CACNA1B: variants seen among roughly 807,000 people sequenced by gnomAD.
CACNA1B encodes the protein calcium voltage-gated channel subunit alpha1 B.
CACNA1B carries 70 observed loss-of-function variants against 247.2 expected under a neutral mutation model. The observed-to-expected ratio is 0.28, with a 90% CI of 0.23 to 0.35. CACNA1B has a LOEUF of 0.35. Among genes scored for constraint, CACNA1B ranks in the 10% least tolerant of loss-of-function variants. CACNA1B has a pLI of 1.00. For synonymous variants in CACNA1B, 1,231 were observed against 1,294.4 expected, an observed-to-expected ratio of 0.95 and a Z score of 1.05; for missense variants, 2,367 against 3,197.4, an observed-to-expected ratio of 0.74 and a Z score of 6.26.
intron 21 of CACNA1B, among the ~76,000 whole-genome samples, chr9:138,045,901 G>A (rs1959180238): frequency 6.6e-6 from 1 of 152,208 alleles, no homozygotes; most frequent in African/African-American, 2.4e-5. Context: ...GGGGTTCGCA[G>A]GTGTGGGTGA....
intron 17 of CACNA1B, 91 bp from the exon 18 acceptor site, chr9:138,013,038 C>T: frequency 3.2e-6 from 3 of 924,568 alleles, no homozygotes; most frequent in Non-Finnish European, 5.0e-6. Flanking sequence ...TTTTTGAGGC[C>T]CCTGGAGGAA....
chr9:138,065,251 TCA>T (rs1447505917), intron 31 of CACNA1B, among the ~76,000 whole-genome samples: 1 of 152,182 alleles, frequency 6.6e-6, no homozygotes, highest in Non-Finnish European at 1.5e-5. Flanking sequence ...ACCCGTTATA[TCA>T]CACAGCCCTT....
At chr9:138,067,885 T>C (rs2133525209) in intron 31 of CACNA1B, among the ~76,000 whole-genome samples, 1 of 152,352 alleles carries the variant, frequency 6.6e-6, no homozygotes, top group East Asian at 1.9e-4. Context: ...CAAGTGTTCC[T>C]GGCACCAGCG....
At chr9:137,992,829 A>G (rs1345026348) in intron 15 of CACNA1B, among the ~76,000 whole-genome samples, 2 of 151,992 alleles carry the variant, frequency 1.3e-5, no homozygotes, top group Non-Finnish European at 1.5e-5. Flanking sequence ...TATTATATCA[A>G]GTACTCTCTC....
intron 6 of CACNA1B, among the ~76,000 whole-genome samples, chr9:137,930,982 A>T (rs960428154): frequency 6.6e-6 from 1 of 152,050 alleles, no homozygotes; most frequent in Non-Finnish European, 1.5e-5. Flanking sequence ...TCTCACTGTC[A>T]CCCAGGATGG....
At chr9:137,978,261 TC>T (rs1340926577) in intron 12 of CACNA1B, among the ~76,000 whole-genome samples, 1 of 59,072 alleles carries the variant, frequency 1.7e-5, no homozygotes, top group Non-Finnish European at 3.4e-5. Context: ...AGCACTACCC[TC>T]CCCCCCAGGA....
intron 15 of CACNA1B, among the ~76,000 whole-genome samples, chr9:137,988,125 T>G (rs1473431892): frequency 1.1e-4 from 17 of 152,188 alleles, no homozygotes; most frequent in Non-Finnish European, 5.9e-5. Flanking sequence ...TTTTGAGCTC[T>G]TAGTGGGTGA....
At chr9:137,924,331 CCCTT>C (rs992923127) in intron 6 of CACNA1B, among the ~76,000 whole-genome samples, 2 of 148,840 alleles carry the variant, frequency 1.3e-5, no homozygotes, top group African/African-American at 4.9e-5. Context: ...CTTCCTCCCT[CCCTT>C]CCTTCCTCCT....
intron 36 of CACNA1B, among the ~76,000 whole-genome samples, chr9:138,080,998 CCT>C (rs1292587734): frequency 6.6e-6 from 1 of 152,182 alleles, no homozygotes; most frequent in Non-Finnish European, 1.5e-5. Context: ...TCTCCTGATC[CCT>C]CCGAAGACCC....
intron 37 of CACNA1B, among the ~76,000 whole-genome samples, chr9:138,098,685 A>G (rs1348925135): frequency 3.3e-5 from 5 of 152,190 alleles, no homozygotes; most frequent in Non-Finnish European, 1.5e-5. Context: ...CCAGAGTCTC[A>G]GAGCAGGGGT....
intron 6 of CACNA1B, among the ~76,000 whole-genome samples, chr9:137,928,349 A>G (rs935472988): frequency 1.1e-4 from 17 of 151,812 alleles, no homozygotes; most frequent in Non-Finnish European, 1.9e-4. Context: ...GCCTGCTTCA[A>G]CCTCCCAAAG....
intron 6 of CACNA1B, among the ~76,000 whole-genome samples, chr9:137,923,236 CAT>C (rs1417087378): frequency 8.1e-4 from 120 of 148,164 alleles, no homozygotes; most frequent in African/African-American, 2.7e-3. Context: ...GGTGGTATTC[CAT>C]GGTGCCAGGT....
At chr9:138,108,274 A>T (rs1449851631) in intron 39 of CACNA1B, among the ~76,000 whole-genome samples, 4 of 147,644 alleles carry the variant, frequency 2.7e-5, no homozygotes, top group Admixed American at 6.8e-5. Context: ...GTGCCACTGC[A>T]CTATAGCCTG....
chr9:138,037,201 A>G (rs1006411303), intron 20 of CACNA1B, among the ~76,000 whole-genome samples: 1 of 152,230 alleles, frequency 6.6e-6, no homozygotes, highest in Non-Finnish European at 1.5e-5. Context: ...GTTACCTGGT[A>G]ATTAGATCCG....
chr9:137,979,628 G>T (rs542743168), intron 12 of CACNA1B, among the ~76,000 whole-genome samples: 2 of 152,242 alleles, frequency 1.3e-5, no homozygotes, highest in East Asian at 3.9e-4. Context: ...CCTGCCCTCT[G>T]GCTCTCAGTA....
intron 6 of CACNA1B, among the ~76,000 whole-genome samples, chr9:137,933,150 T>C (rs1957626811): frequency 6.6e-6 from 1 of 152,024 alleles, no homozygotes; most frequent in Non-Finnish European, 1.5e-5. Context: ...GCCAGAATGG[T>C]CTCAAATCTT....
At chr9:137,902,725 AATAC>A (rs895053190) in intron 3 of CACNA1B, among the ~76,000 whole-genome samples, 2 of 152,148 alleles carry the variant, frequency 1.3e-5, no homozygotes, top group Non-Finnish European at 2.9e-5. Context: ...TAGGTTTTTA[AATAC>A]ACAATTGATA....
intron 22 of CACNA1B, 44 bp downstream of exon 22, chr9:138,047,077 G>A: frequency 6.4e-7 from 1 of 1,560,232 alleles, no homozygotes; most frequent in Non-Finnish European, 8.7e-7. Context: ...CTGTGGCGGG[G>A]GAGCTGGGTG....
At position 137,986,291 on chromosome 9, in the gene CACNA1B, A is replaced by T; in HGVS notation, c.1770-122A>T. ...AACTCCAGAGAAAAGCTCTAACTTC[A>T]CACCTAGGTGTGCAGCCCTCAGGGT... On this transcript the variant is annotated intron_variant, in intron 13 of 46. Coordinates refer to ENST00000371372, the MANE Select transcript of CACNA1B (RefSeq NM_000718.4). The surrounding 1 kb of genome is among the most constrained non-coding windows in gnomAD (Gnocchi z 6.0). The T allele has an allele frequency of 9.4e-7, 1 of 1,064,846 alleles. No homozygotes were observed. Among genetic ancestry groups the T allele is most frequent in the South Asian group, 1.6e-5 (1 of 64,282 alleles). 66.0% of individuals were successfully genotyped at this position (1,064,846 alleles called of 1,614,324 possible). A position where few individuals can be genotyped will look rare whatever the true frequency, so the allele number is the denominator to read the frequency against.
Sources: gnomAD v4.1 joint callset for allele counts (sites outside exome capture counted in the v4.1 genomes callset) on GRCh38, gnomAD v4.1.1 for gene constraint, Gnocchi (gnomAD v3.1) non-coding constraint, MANE v1.5 for transcripts, NCBI Gene and HGNC (gene_info 2026-07-23, HGNC 2026-07-21) for gene names.